The following NRCAM variants were observed in gnomAD, a reference collection of about 807,000 sequenced individuals.
NRCAM encodes the protein neuronal cell adhesion molecule.
Under a neutral mutation model 156.5 loss-of-function variants are expected in NRCAM, and 83 were observed. That is an observed-to-expected ratio of 0.53 (90% CI 0.44 to 0.64). NRCAM has a LOEUF of 0.64. Among genes scored for constraint, NRCAM ranks in the 30% least tolerant of loss-of-function variants. The pLI, the probability that NRCAM is intolerant of heterozygous loss-of-function variation, is 0.00. For synonymous variants in NRCAM, 538 were observed against 563.9 expected (o/e 0.95, Z 0.65); for missense variants, 1,417 against 1,597.3 (o/e 0.89, Z 1.92).
chr7:108,294,193 GTTTTTTTTT>G lies in NRCAM; in HGVS notation c.-107+18463_-107+18471del, dbSNP rs56717039. On this transcript the variant is annotated intron_variant, in intron 3 of 32. Transcript: ENST00000379028. ...GGAAAAGCCAGCACTTTCTTTACTG[GTTTTTTTTT>G]TTTTTTTTTTTTTTTTTTCCTTTTT... 1.1e-4 allele frequency among the ~76,000 whole-genome samples: 10 copies of G among 87,958 alleles called. No individual in the cohort carries two copies. The East Asian group carries it at 2.6e-3, about 23-fold the overall frequency. 57.7% of individuals were successfully genotyped at this position (87,958 alleles called of 152,430 possible). A position where few individuals can be genotyped will look rare whatever the true frequency, so the allele number is the denominator to read the frequency against.
chr7:108,257,015 A>G (rs1397093934), intron 3 of NRCAM, among the ~76,000 whole-genome samples: 4 of 125,836 alleles, frequency 3.2e-5, no homozygotes, highest in Non-Finnish European at 5.0e-5. Context: ...GAAAAAAAAA[A>G]AAAAGAAAAA....
intron 2 of NRCAM, among the ~76,000 whole-genome samples, chr7:108,331,381 AC>A (rs1327987855): frequency 2.0e-5 from 3 of 152,116 alleles, no homozygotes; most frequent in Admixed American, 2.0e-4. Context: ...ATCCTGGGCA[AC>A]AGAGTGAGAC....
intron 1 of NRCAM, among the ~76,000 whole-genome samples, chr7:108,430,021 A>C (rs1210158451): frequency 6.6e-6 from 1 of 152,174 alleles, no homozygotes; most frequent in East Asian, 1.9e-4. Context: ...GCCAGTGCAA[A>C]GGCTGATGGC....
intron 2 of NRCAM, among the ~76,000 whole-genome samples, chr7:108,383,443 G>A (rs1217796675): frequency 6.6e-6 from 1 of 152,154 alleles, no homozygotes; most frequent in Non-Finnish European, 1.5e-5. Context: ...CAGCCAGAAC[G>A]ATACTTCCAT....
chr7:108,230,909 G>C, intron 8 of NRCAM, 122 bp downstream of exon 8: 1 of 677,974 alleles, frequency 1.5e-6, no homozygotes, highest in Non-Finnish European at 2.4e-6. Flanking sequence ...TTATTTTGAA[G>C]AGCAGCTGTT....
intron 2 of NRCAM, among the ~76,000 whole-genome samples, chr7:108,386,280 C>A (rs2099740648): frequency 6.6e-6 from 1 of 152,160 alleles, no homozygotes; most frequent in Non-Finnish European, 1.5e-5. Flanking sequence ...AATGCAAAGT[C>A]CAATACACTT....
intron 3 of NRCAM, among the ~76,000 whole-genome samples, chr7:108,278,957 C>G (rs1430397479): frequency 1.3e-5 from 2 of 152,186 alleles, no homozygotes; most frequent in African/African-American, 4.8e-5. Flanking sequence ...CTTGGACTCC[C>G]ATTTTACAGA....
chr7:108,190,484 T>C (rs1390086659), intron 19 of NRCAM, among the ~76,000 whole-genome samples: 1 of 152,208 alleles, frequency 6.6e-6, no homozygotes, highest in African/African-American at 2.4e-5. Flanking sequence ...TGTGCTTTTT[T>C]TTCTTATCAG....
chr7:108,182,348 A>G (rs1360313183), intron 23 of NRCAM, among the ~76,000 whole-genome samples: 1 of 151,878 alleles, frequency 6.6e-6, no homozygotes, highest in African/African-American at 2.4e-5. Context: ...AAGAAGATGG[A>G]AAACACAGTA....
chr7:108,359,390 A>T (rs542732318), intron 2 of NRCAM, among the ~76,000 whole-genome samples: 1 of 152,318 alleles, frequency 6.6e-6, no homozygotes, highest in African/African-American at 2.4e-5. Flanking sequence ...CTACCAGGAC[A>T]GGTGTTTGAG....
intron 8 of NRCAM, among the ~76,000 whole-genome samples, chr7:108,227,399 T>C (rs1275102705): frequency 6.6e-6 from 1 of 152,224 alleles, no homozygotes; most frequent in Non-Finnish European, 1.5e-5. Flanking sequence ...ATACATTGTG[T>C]AATGATCAAA....
chr7:108,294,193 GTTTTTTTTTTTTTTT>G (rs56717039), intron 3 of NRCAM, among the ~76,000 whole-genome samples: 1 of 87,958 alleles, frequency 1.1e-5, no homozygotes, highest in African/African-American at 4.2e-5. Flanking sequence ...TTCTTTACTG[GTTTTTTTTTTTTTTT>G]TTTTTTTTTT....
rs1004212299 is a variant in NRCAM, at chr7:108,170,897, T to A, written c.3188-2495A>T. On this transcript the variant is annotated intron_variant, in intron 28 of 32. Transcript: ENST00000379028. ...GAGATGTTGGTCAAAGGGTACAAAC[T>A]TTCAGTTATAAGATGAACAAGTTCT... 5.9e-5 allele frequency among the ~76,000 whole-genome samples: 9 copies of A among 152,268 alleles called. No individual in the cohort carries two copies. The East Asian group carries it at 7.7e-4, about 13-fold the overall frequency.
chr7:108,150,755 TAAG>T lies in NRCAM; in HGVS notation c.3678-611_3678-609del, dbSNP rs762896918. Reference sequence around the variant, plus strand: ...GCAGAAGAAACAAATGAAAACAGCCTAAGAAGAAAAGCAAAATCCTTATACTGA... The same window carrying T: ...GCAGAAGAAACAAATGAAAACAGCCTAAGAAAAGCAAAATCCTTATACTGA... On this transcript the variant is annotated intron_variant, in intron 32 of 32. Coordinates refer to ENST00000379028, the MANE Select transcript of NRCAM (RefSeq NM_001037132.4). 67 of 531,870 alleles carry T rather than the reference TAAG, an allele frequency of 1.3e-4. 1 individual carries two copies. Among genetic ancestry groups the T allele is most frequent in the Admixed American group, 8.7e-4 (44 of 50,698 alleles). 32.9% of individuals were successfully genotyped at this position (531,870 alleles called of 1,614,324 possible). A position where few individuals can be genotyped will look rare whatever the true frequency, so the allele number is the denominator to read the frequency against.
At chr7:108,203,291 G>A (rs1276968634) in intron 13 of NRCAM, among the ~76,000 whole-genome samples, 2 of 152,042 alleles carry the variant, frequency 1.3e-5, no homozygotes, top group East Asian at 3.9e-4. Context: ...ACTATTTTAG[G>A]TGGTTTTGGG....
intron 2 of NRCAM, among the ~76,000 whole-genome samples, chr7:108,397,528 C>T (rs1002606874): frequency 6.6e-6 from 1 of 152,168 alleles, no homozygotes; most frequent in Admixed American, 6.6e-5. Context: ...AGGCCTCAAC[C>T]ATGTCCTGGG....
intron 2 of NRCAM, among the ~76,000 whole-genome samples, chr7:108,389,115 T>C (rs1021817887): frequency 7.1e-4 from 108 of 152,300 alleles, no homozygotes; most frequent in African/African-American, 2.5e-3. Context: ...GGTAGCTTGA[T>C]GGGGATGGCA....
At chr7:108,338,689 G>C (rs1204411556) in intron 2 of NRCAM, among the ~76,000 whole-genome samples, 1 of 151,840 alleles carries the variant, frequency 6.6e-6, no homozygotes, top group East Asian at 1.9e-4. Flanking sequence ...AAGAGAGAAA[G>C]AAAGAAAAAG....
At chr7:108,162,934 C>T (rs1412065643) in intron 30 of NRCAM, among the ~76,000 whole-genome samples, 1 of 152,042 alleles carries the variant, frequency 6.6e-6, no homozygotes, top group East Asian at 1.9e-4. Flanking sequence ...GGCATGAAGC[C>T]TTTTCAGGAC....
Sources: allele counts gnomAD v4.1 joint callset (sites outside exome capture counted in the v4.1 genomes callset), GRCh38; gene constraint gnomAD v4.1.1; transcripts MANE v1.5; gene names NCBI Gene and HGNC (gene_info 2026-07-23, HGNC 2026-07-21).